The following RBM45 variants were observed in gnomAD, a reference collection of about 807,000 sequenced individuals.
RBM45 encodes RNA-binding protein 45.
A neutral mutation model predicts 58.5 loss-of-function variants in RBM45; 39 were observed. The ratio of observed to expected loss-of-function variants is 0.67; its 90% CI spans 0.52 to 0.87. The LOEUF is 0.87. RBM45 is among the 40% of genes least tolerant of loss of function. The probability of loss-of-function intolerance (pLI) is 0.00; values close to 1 mark genes in which losing one functional copy is unlikely to be tolerated. For synonymous variants in RBM45, 193 were observed against 203.0 expected, an observed-to-expected ratio of 0.95 and a Z score of 0.42; for missense variants, 481 against 581.6, an observed-to-expected ratio of 0.83 and a Z score of 1.78.
At chr2:178,132,554 T>A (rs1461153470), downstream of RBM45, among the ~76,000 whole-genome samples, 2 of 152,174 alleles carry the variant, frequency 1.3e-5, no homozygotes, top group African/African-American at 4.8e-5. Context: ...ATGATGGTGT[T>A]TGAAATGCCT....
chr2:178,132,454 G>A (rs1559083505), downstream of RBM45, among the ~76,000 whole-genome samples: 1 of 152,216 alleles, frequency 6.6e-6, no homozygotes, highest in Non-Finnish European at 1.5e-5. Flanking sequence ...TCCATGGAAA[G>A]TAGAAATAAG....
chr2:178,115,936 T>C (rs2087767776), intron 1 of RBM45, among the ~76,000 whole-genome samples: 1 of 152,070 alleles, frequency 6.6e-6, no homozygotes, highest in Non-Finnish European at 1.5e-5. Flanking sequence ...GAGGATCACT[T>C]GAGCCCAGGA....
chr2:178,131,862 G>T (rs2088008878), downstream of RBM45, among the ~76,000 whole-genome samples: 1 of 151,936 alleles, frequency 6.6e-6, no homozygotes, highest in African/African-American at 2.4e-5. Context: ...CAGAATTTTA[G>T]ATTTTTCTTA....
chr2:178,123,554 T>C lies in RBM45; in HGVS notation c.886T>C (p.Ser296Pro), dbSNP rs2087884932. ...HGVVQYFNVA[S>P]AIYAKYKLHG... is the part of the protein sequence containing the mutation. ...AGTGGTTCAGTATTTTAATGTAGCA[T>C]CAGCTATTTATGCAAAATACAAATT... Residue 296 changes from serine (S) to proline (P), a missense_variant, in exon 6 of 10, where the codon TCA becomes CCA. Ser to Pro is a moderately conservative substitution (Grantham distance 74, BLOSUM62 -1). Transcript: ENST00000286070. 6.2e-7 allele frequency: 1 copy of C among 1,603,344 alleles called. No homozygotes were observed. Among genetic ancestry groups the C allele is most frequent in the African/African-American group, 1.3e-5 (1 of 74,346 alleles).
intron 9 of RBM45, among the ~76,000 whole-genome samples, chr2:178,126,986 G>GAGTGC (rs1434263001): frequency 6.6e-6 from 1 of 151,754 alleles, no homozygotes; most frequent in Admixed American, 6.6e-5. Context: ...ACCCAGGCTG[G>GAGTGC]AGTGCAGTGG....
Position 178,121,206 on chromosome 2 carries a change from G to T in RBM45, c.700G>T (p.Asp234Tyr). The change falls in exon 5 of 10, where the codon GAC becomes TAC. Residue 234 changes from aspartate to tyrosine, a missense_variant. Coordinates refer to ENST00000286070, the MANE Select transcript of RBM45 (RefSeq NM_152945.4). ...ACAACAATCTGAATTTTCAAGTTTT[G>T]ACAAGAATGATAGCCGAGGCCAGGA... The part of the protein sequence containing the change: ...FEQQSEFSSF[D>Y]KNDSRGQEAI... 2.6e-6 allele frequency: 4 copies of T among 1,564,962 alleles called. No homozygotes were observed. The highest frequency in any genetic ancestry group is 3.5e-6 in the Non-Finnish European group (4 of 1,154,368).
exon 4 of RBM45, chr2:178,137,986 T>TA (rs1279818071): frequency 1.3e-5 from 2 of 152,192 alleles, no homozygotes; most frequent in East Asian, 3.9e-4. Context: ...AGCAGGGTAT[T>TA]ATGATGGCAA....
chr2:178,131,765 C>T (rs1330365914), downstream of RBM45, among the ~76,000 whole-genome samples: 3 of 152,162 alleles, frequency 2.0e-5, no homozygotes, highest in African/African-American at 7.2e-5. Flanking sequence ...CTTCAGAGTG[C>T]ATTTCATCTT....
intron 3 of RBM45, among the ~76,000 whole-genome samples, chr2:178,135,074 T>C (rs564142783): frequency 1.3e-5 from 2 of 152,344 alleles, no homozygotes; most frequent in South Asian, 4.1e-4. Context: ...AGATAATTTT[T>C]ACATTCTTAT....
chr2:178,123,421 A>G, intron 5 of RBM45, 101 bp from the exon 6 acceptor site: 3 of 1,216,362 alleles, frequency 2.5e-6, no homozygotes, highest in East Asian at 5.0e-5. Flanking sequence ...GTTGTGTGAT[A>G]TTAGAGTTCT....
chr2:178,121,335 C>G lies in RBM45; in HGVS notation c.829C>G (p.Gln277Glu). 1.3e-6 allele frequency: 2 copies of G among 1,563,204 alleles called. No homozygotes were observed. The highest frequency in any genetic ancestry group is 2.5e-5 in the South Asian group (2 of 81,390). The change falls in exon 5 of 10, where the codon CAA becomes GAA. Residue 277 changes from glutamine (Q) to glutamate (E), a missense_variant. By Grantham distance (29) the Gln-to-Glu change is conservative. Transcript: ENST00000286070. ...IVPGLEYCEV[Q>E]RDPYSNYGHG... ...ACCAGGATTGGAATATTGTGAAGTTCAACGAGATCCTTATTCAAATTATGG... is the reference window on the plus strand; with the variant it reads ...ACCAGGATTGGAATATTGTGAAGTTGAACGAGATCCTTATTCAAATTATGG...
chr2:178,128,199 C>T (rs1442454285), intron 9 of RBM45, among the ~76,000 whole-genome samples: 3 of 151,526 alleles, frequency 2.0e-5, no homozygotes, highest in Admixed American at 6.6e-5. Context: ...AGGGTTTTGC[C>T]GTGTTGCCCA....
In RBM45 at chr2:178,112,455, C is replaced by G. The variant is rs1050834325; in HGVS notation, c.-92C>G. On this transcript the variant is annotated 5_prime_UTR_variant, in exon 1 of 10. Coordinates refer to ENST00000286070, the MANE Select transcript of RBM45 (RefSeq NM_152945.4). ...CCTCTTTCTCCCGGAAGCGGAGCAC[C>G]GAGCCGGCAAAGGCTTGGGTGTGAG... is the stretch of plus-strand genomic sequence containing the variant. 1.0e-4 allele frequency: 128 copies of G among 1,264,432 alleles called. No homozygotes were observed. The highest frequency in any genetic ancestry group is 1.7e-5 in the Non-Finnish European group (15 of 902,338). The allele number at this position is 1,264,432 out of a possible 1,614,324, so 78.3% of individuals were successfully genotyped here. A position where few individuals can be genotyped will look rare whatever the true frequency, so the allele number is the denominator to read the frequency against.
chr2:178,128,827 T>C (rs1044152258), intron 9 of RBM45, among the ~76,000 whole-genome samples: 13 of 152,192 alleles, frequency 8.5e-5, no homozygotes, highest in Non-Finnish European at 1.5e-4. Context: ...TTCTTCTTCT[T>C]TGTTGGTGTA....
intron 1 of RBM45, among the ~76,000 whole-genome samples, chr2:178,114,359 A>T (rs1446714217): frequency 3.9e-5 from 6 of 152,192 alleles, no homozygotes; most frequent in Non-Finnish European, 5.9e-5. Context: ...GGCAGCCCAA[A>T]AAACTGTCCC....
chr2:178,125,838 T>C, intron 8 of RBM45, 146 bp from the exon 9 acceptor site: 1 of 717,190 alleles, frequency 1.4e-6, no homozygotes, highest in East Asian at 2.7e-5. Flanking sequence ...ATGAATAGAA[T>C]TGACTGAGAT....
In RBM45 at chr2:178,123,610, A is replaced by T. The variant is rs773706634; in HGVS notation, c.942A>T (p.Arg314=). ...LHGFQYPPGN[R]IGVSFIDDGS... is the part of the protein sequence containing the mutation. Reference sequence around the variant, plus strand: ...GATTTCAGTACCCTCCTGGGAACCGAATAGGTGTTTCCTTCATTGATGATG... The same window carrying T: ...GATTTCAGTACCCTCCTGGGAACCGTATAGGTGTTTCCTTCATTGATGATG... The change falls in exon 6 of 10, where the codon CGA becomes CGT. Residue 314 remains arginine, a synonymous_variant. Transcript: ENST00000286070. The T allele has an allele frequency of 7.5e-6, 12 of 1,609,688 alleles. No homozygotes were observed. Among genetic ancestry groups the T allele is most frequent in the Non-Finnish European group, 1.0e-5 (12 of 1,178,710 alleles).
At chr2:178,128,451 A>G (rs946694063) in intron 9 of RBM45, among the ~76,000 whole-genome samples, 1 of 152,192 alleles carries the variant, frequency 6.6e-6, no homozygotes, top group Non-Finnish European at 1.5e-5. Context: ...CTCTTATCTA[A>G]AATAATGACA....
chr2:178,116,111 C>T (rs1359735120), intron 1 of RBM45, 151 bp from the exon 2 acceptor site: 1 of 895,810 alleles, frequency 1.1e-6, no homozygotes, highest in African/African-American at 1.7e-5. Context: ...ATGATCACAC[C>T]ACTGCACTGC....
Sources: gnomAD v4.1 joint callset for allele counts (sites outside exome capture counted in the v4.1 genomes callset) on GRCh38, gnomAD v4.1.1 for gene constraint, MANE v1.5 for transcripts, NCBI Gene and HGNC (gene_info 2026-07-23, HGNC 2026-07-21) for gene names.